Variants in LSM2 observed in about 807,000 individuals in gnomAD.
LSM2 encodes the protein U6 snRNA-associated Sm-like protein LSm2.
LSM2 carries 12 observed loss-of-function variants against 17.0 expected under a neutral mutation model. That is an observed-to-expected ratio of 0.70 (90% CI 0.45 to 1.14). LSM2 has a LOEUF of 1.14. LSM2 is among the 50% of genes most tolerant of loss of function. LSM2 has a pLI of 0.00. For synonymous variants in LSM2, 42 were observed against 44.5 expected (o/e 0.94, Z 0.22); for missense variants, 62 against 111.8 (o/e 0.55, Z 2.01).
Position 31,806,023 on chromosome 6 carries a change from C to T in LSM2, c.71+52G>A, listed in dbSNP as rs199720657. On this transcript the variant is annotated intron_variant, in intron 2 of 4. Transcript: ENST00000375661. ...AATATTTCTCAAATTAAAGAGGTTCCAGGGCCCTGGGCACACCCACCCCCA... is the reference window on the plus strand; with the variant it reads ...AATATTTCTCAAATTAAAGAGGTTCTAGGGCCCTGGGCACACCCACCCCCA... 2.0e-6 allele frequency: 3 copies of T among 1,523,924 alleles called. No homozygotes were observed. The East Asian group carries it at 6.8e-5, about 34-fold the overall frequency. The allele number at this position is 1,523,924 out of a possible 1,614,324, so 94.4% of individuals were successfully genotyped here. A position where few individuals can be genotyped will look rare whatever the true frequency, so the allele number is the denominator to read the frequency against.
At position 31,806,906 on chromosome 6, in the gene LSM2, G is replaced by C; in HGVS notation, c.-149C>G. 9.2e-7 allele frequency: 1 copy of C among 1,090,718 alleles called. No individual in the cohort carries two copies. Among genetic ancestry groups the C allele is most frequent in the South Asian group, 1.7e-5 (1 of 60,230 alleles). 67.6% of individuals were successfully genotyped at this position (1,090,718 alleles called of 1,614,324 possible). Reference sequence around the variant, plus strand: ...AGCGACGCAGAAAGCTCCAAGCGCTGACGGGCAAAGCGCGGCCGACTTGCG... The same window carrying C: ...AGCGACGCAGAAAGCTCCAAGCGCTCACGGGCAAAGCGCGGCCGACTTGCG... On this transcript the variant is annotated 5_prime_UTR_variant, in exon 1 of 5. Coordinates refer to ENST00000375661, the MANE Select transcript of LSM2 (RefSeq NM_021177.5).
intron 2 of LSM2, among the ~76,000 whole-genome samples, chr6:31,799,855 A>G (rs1268110377): frequency 6.6e-6 from 1 of 152,124 alleles, no homozygotes; most frequent in Non-Finnish European, 1.5e-5. Context: ...GAGGAATGCT[A>G]TCAAAACACC....
At chr6:31,798,612 C>T in intron 2 of LSM2, 105 bp from the exon 3 acceptor site, 1 of 1,312,984 alleles carries the variant, frequency 7.6e-7, no homozygotes, top group Non-Finnish European at 1.1e-6. Flanking sequence ...AAGTCAAGGA[C>T]TTGAGGATGT....
At position 31,798,463 on chromosome 6, in the gene LSM2, G is replaced by C; in HGVS notation, c.102+14C>G. 1 of 1,612,846 alleles carries C rather than the reference G, an allele frequency of 6.2e-7. No homozygotes were observed. The highest frequency in any genetic ancestry group is 8.5e-7 in the Non-Finnish European group (1 of 1,179,976). On this transcript the variant is annotated intron_variant, in intron 3 of 4. Coordinates refer to ENST00000375661, the MANE Select transcript of LSM2 (RefSeq NM_021177.5). The stretch of plus-strand genomic sequence containing the variant: ...TCTCCAGGAACCAATTCTGGGGCCC[G>C]TGCTATATCTCACCTGATCCACAGA...
Position 31,797,419 on chromosome 6 carries a change from G to A in LSM2, c.*338C>T, listed in dbSNP as rs191562976. The A allele has an allele frequency of 4.6e-4, 119 of 257,020 alleles. No individual in the cohort carries two copies. The highest frequency in any genetic ancestry group is 2.5e-3 in the African/African-American group (114 of 45,134). 15.9% of individuals were successfully genotyped at this position (257,020 alleles called of 1,614,324 possible). On this transcript the variant is annotated 3_prime_UTR_variant, in exon 5 of 5. Transcript: ENST00000375661. The stretch of plus-strand genomic sequence containing the variant: ...AATTTGCATCATAAATTTTATTCCC[G>A]ATGCGGGACAGATTCCTTCCATCCC...
At chr6:31,805,052 C>T (rs12206352) in intron 2 of LSM2, among the ~76,000 whole-genome samples, 8,897 of 151,662 alleles carry the variant, frequency 0.059, 348 homozygotes, top group African/African-American at 0.095. Context: ...AGGCGTGAGC[C>T]ACCGCGCCCG....
rs1815089979 is a variant in LSM2 at position 31,806,957 on chromosome 6, T to C, written c.-200A>G. On this transcript the variant is annotated 5_prime_UTR_variant, in exon 1 of 5. Transcript: ENST00000375661. ...GCTGGGGAGCGCAAGCTGGGTAGAGTAGAGGGGAGGAGGAAGCCGGGAAAG... is the reference window on the plus strand; with the variant it reads ...GCTGGGGAGCGCAAGCTGGGTAGAGCAGAGGGGAGGAGGAAGCCGGGAAAG... 1 of 618,950 alleles carries C rather than the reference T, an allele frequency of 1.6e-6. No homozygotes were observed. The allele number at this position is 618,950 out of a possible 1,614,324, so 38.3% of individuals were successfully genotyped here. A position where few individuals can be genotyped will look rare whatever the true frequency, so the allele number is the denominator to read the frequency against.
chr6:31,798,459 G>A lies in LSM2; in HGVS notation c.102+18C>T. On this transcript the variant is annotated intron_variant, in intron 3 of 4. Transcript: ENST00000375661. ...TCCTTCTCCAGGAACCAATTCTGGG[G>A]CCCGTGCTATATCTCACCTGATCCA... The A allele has an allele frequency of 6.2e-7, 1 of 1,612,818 alleles. No individual in the cohort carries two copies. Among genetic ancestry groups the A allele is most frequent in the Non-Finnish European group, 8.5e-7 (1 of 1,179,930 alleles).
chr6:31,797,933 C>T, intron 4 of LSM2, 51 bp from the exon 5 acceptor site: 1 of 1,612,250 alleles, frequency 6.2e-7, no homozygotes. Flanking sequence ...GTCCTCTAAC[C>T]ACCCAGGGGC....
At chr6:31,804,590 C>T (rs1017354982) in intron 2 of LSM2, among the ~76,000 whole-genome samples, 2 of 151,956 alleles carry the variant, frequency 1.3e-5, no homozygotes, top group Non-Finnish European at 2.9e-5. Context: ...TTTCTTTAAG[C>T]ACCTATCATA....
At chr6:31,806,646 A>T in intron 1 of LSM2, 109 bp downstream of exon 1, 1 of 1,353,350 alleles carries the variant, frequency 7.4e-7, no homozygotes, top group Non-Finnish European at 1.0e-6. Context: ...CTAAAGATGA[A>T]GATAAAAACT....
chr6:31,797,586 T>C lies in LSM2; in HGVS notation c.*171A>G. ...TTATCCTCCCCTTCTCAAGAGAGGA[T>C]AGCTGTTCCCTATTACTCCTCTCAT... is the stretch of plus-strand genomic sequence containing the variant. On this transcript the variant is annotated 3_prime_UTR_variant, in exon 5 of 5. Transcript: ENST00000375661. The C allele has an allele frequency of 2.2e-6, 2 of 903,338 alleles. No homozygotes were observed. The highest frequency in any genetic ancestry group is 3.4e-6 in the Non-Finnish European group (2 of 595,346). 56.0% of individuals were successfully genotyped at this position (903,338 alleles called of 1,614,324 possible).
Position 31,806,857 on chromosome 6 carries a change from C to T in LSM2, c.-100G>A. 7.0e-7 allele frequency: 1 copy of T among 1,435,914 alleles called. No individual in the cohort carries two copies. Among genetic ancestry groups the T allele is most frequent in the Non-Finnish European group, 9.2e-7 (1 of 1,081,082 alleles). 88.9% of individuals were successfully genotyped at this position (1,435,914 alleles called of 1,614,324 possible). A position where few individuals can be genotyped will look rare whatever the true frequency, so the allele number is the denominator to read the frequency against. On this transcript the variant is annotated 5_prime_UTR_variant, in exon 1 of 5. Coordinates refer to ENST00000375661, the MANE Select transcript of LSM2 (RefSeq NM_021177.5). ...GCGCGAGCCCGCGCGTGGGGCGAGG[C>T]GGGACCGCGCAGGCGCAGCGGGAAG...
intron 2 of LSM2, among the ~76,000 whole-genome samples, chr6:31,804,205 A>T (rs1814872126): frequency 6.6e-6 from 1 of 152,102 alleles, no homozygotes; most frequent in Non-Finnish European, 1.5e-5. Context: ...TACTAAAAAT[A>T]CAAAATTTAG....
At chr6:31,799,119 G>A (rs908962303) in intron 2 of LSM2, among the ~76,000 whole-genome samples, 1 of 152,162 alleles carries the variant, frequency 6.6e-6, no homozygotes, top group Non-Finnish European at 1.5e-5. Context: ...AATCTTTACA[G>A]CCATCTTTCA....
intron 2 of LSM2, among the ~76,000 whole-genome samples, chr6:31,803,119 T>C (rs185933079): frequency 3.3e-5 from 5 of 152,304 alleles, no homozygotes; most frequent in African/African-American, 9.6e-5. Context: ...ATCACTTGCA[T>C]TGCCAGTGCT....
In LSM2 at chr6:31,797,602, C is replaced by T; in HGVS notation, c.*155G>A. On this transcript the variant is annotated 3_prime_UTR_variant, in exon 5 of 5. Transcript: ENST00000375661. ...AAGAGAGGATAGCTGTTCCCTATTACTCCTCTCATCCACTCATCCCTTAAA... is the reference window on the plus strand; with the variant it reads ...AAGAGAGGATAGCTGTTCCCTATTATTCCTCTCATCCACTCATCCCTTAAA... 1 of 1,057,860 alleles carries T rather than the reference C, an allele frequency of 9.5e-7. No individual in the cohort carries two copies. The highest frequency in any genetic ancestry group is 1.4e-6 in the Non-Finnish European group (1 of 725,804). 65.5% of individuals were successfully genotyped at this position (1,057,860 alleles called of 1,614,324 possible).
intron 1 of LSM2, chr6:31,806,464 C>T (rs768567414): frequency 5.9e-5 from 36 of 606,988 alleles, no homozygotes; most frequent in Non-Finnish European, 9.4e-5. Context: ...AAATATCCCA[C>T]CCGCACCCTG....
chr6:31,806,208 C>T, intron 1 of LSM2, 66 bp from the exon 2 acceptor site: 1 of 1,450,944 alleles, frequency 6.9e-7, no homozygotes, highest in South Asian at 1.2e-5. Flanking sequence ...TGTCCTTTGA[C>T]AGTATTACCA....
Sources: allele counts gnomAD v4.1 joint callset (sites outside exome capture counted in the v4.1 genomes callset), GRCh38; gene constraint gnomAD v4.1.1; transcripts MANE v1.5; gene names NCBI Gene and HGNC (gene_info 2026-07-23, HGNC 2026-07-21).